The following CAMTA1 variants were observed in gnomAD, a reference collection of about 807,000 sequenced individuals.
The protein encoded by CAMTA1 is calmodulin-binding transcription activator 1.
A neutral mutation model predicts 170.9 loss-of-function variants in CAMTA1; 27 were observed. That is an observed-to-expected ratio of 0.16 (90% CI 0.12 to 0.22). The LOEUF (loss-of-function observed/expected upper bound fraction) is 0.22. CAMTA1 is among the 10% of genes least tolerant of loss of function. The probability of loss-of-function intolerance (pLI) is 1.00; values close to 1 mark genes in which losing one functional copy is unlikely to be tolerated. For missense variants in CAMTA1, 1,619 were observed against 2,217.2 expected (o/e 0.73, Z 5.42); for synonymous variants, 833 against 891.5 (o/e 0.93, Z 1.17).
intron 11 of CAMTA1, among the ~76,000 whole-genome samples, chr1:7,714,689 T>G (rs1304516824): frequency 6.6e-6 from 1 of 152,028 alleles, no homozygotes; most frequent in African/African-American, 2.4e-5. Context: ...ACCTGGCTAA[T>G]TTTTGTATTT....
chr1:7,571,034 A>G (rs1466783568), intron 6 of CAMTA1, among the ~76,000 whole-genome samples: 1 of 152,216 alleles, frequency 6.6e-6, no homozygotes, highest in Non-Finnish European at 1.5e-5. Flanking sequence ...CATGCTCTGC[A>G]ACAATCTGTG....
rs1185385266 is a variant in CAMTA1 at position 7,160,429 on chromosome 1, C to G, written c.302+69058C>G. 3.9e-5 allele frequency among the ~76,000 whole-genome samples: 6 copies of G among 152,120 alleles called. No individual in the cohort carries two copies. The East Asian group carries it at 1.2e-3, about 29-fold the overall frequency. ...ATCGGACGTTTCTCAGTCCTCGTTTCTTTGACTATCTCGGCAGCATTGATT... is the reference window on the plus strand; with the variant it reads ...ATCGGACGTTTCTCAGTCCTCGTTTGTTTGACTATCTCGGCAGCATTGATT... On this transcript the variant is annotated intron_variant, in intron 4 of 22. Coordinates refer to ENST00000303635, the MANE Select transcript of CAMTA1 (RefSeq NM_015215.4).
intron 3 of CAMTA1, among the ~76,000 whole-genome samples, chr1:6,857,088 C>T (rs764853105): frequency 1.5e-4 from 23 of 152,146 alleles, no homozygotes; most frequent in Middle Eastern, 3.4e-3. Context: ...TTACAGCCAC[C>T]GTGTGGGGTG....
At chr1:7,126,054 A>G (rs1644914259) in intron 4 of CAMTA1, among the ~76,000 whole-genome samples, 2 of 152,148 alleles carry the variant, frequency 1.3e-5, no homozygotes, top group South Asian at 4.1e-4. Flanking sequence ...AAGAGAGAGA[A>G]TGAGAGCCAA....
chr1:7,516,644 G>C (rs1182683332), intron 6 of CAMTA1, among the ~76,000 whole-genome samples: 1 of 152,148 alleles, frequency 6.6e-6, no homozygotes, highest in Non-Finnish European at 1.5e-5. Flanking sequence ...GAATGCTAGG[G>C]AACTGTCCTG....
chr1:6,923,410 A>C (rs1015503281), intron 3 of CAMTA1, among the ~76,000 whole-genome samples: 1 of 152,172 alleles, frequency 6.6e-6, no homozygotes, highest in Non-Finnish European at 1.5e-5. Context: ...GTTTCAGGGA[A>C]CAGAGATGCC....
intron 5 of CAMTA1, among the ~76,000 whole-genome samples, chr1:7,310,675 TCTTTCTCTCTCTCTCTCTCTCTCTCTC>T (rs1676478412): frequency 6.8e-4 from 16 of 23,378 alleles, no homozygotes; most frequent in African/African-American, 3.6e-3. Flanking sequence ...TTCTTTCCTT[TCTTTCTCTCTCTCTCTCTCTCTCTCTC>T]TTTCTTTCTT....
chr1:7,309,609 T>A (rs1298604756), intron 5 of CAMTA1, among the ~76,000 whole-genome samples: 1 of 152,186 alleles, frequency 6.6e-6, no homozygotes, highest in Non-Finnish European at 1.5e-5. Flanking sequence ...TGAAAACTTT[T>A]ATTCCTTTGT....
chr1:7,341,856 T>G (rs2083857467), intron 5 of CAMTA1, among the ~76,000 whole-genome samples: 2 of 152,172 alleles, frequency 1.3e-5, no homozygotes, highest in East Asian at 3.9e-4. Flanking sequence ...GCTGGCCTCC[T>G]GGGGAGGAGG....
rs913800448 is a variant in CAMTA1 at position 7,681,867 on chromosome 1, C to A, written c.2914+4134C>A. 1.3e-5 allele frequency among the ~76,000 whole-genome samples: 2 copies of A among 152,094 alleles called. No homozygotes were observed. Among genetic ancestry groups the A allele is most frequent in the Non-Finnish European group, 1.5e-5 (1 of 68,024 alleles). On this transcript the variant is annotated intron_variant, in intron 11 of 22. Transcript: ENST00000303635. The surrounding 1 kb of genome is among the most constrained non-coding windows in gnomAD (Gnocchi z 4.6). ...TCTTCTGGCCAAGGACACTGGGACACCTTTAAGTGACCTGGGTCCCTAGAA... is the reference window on the plus strand; with the variant it reads ...TCTTCTGGCCAAGGACACTGGGACAACTTTAAGTGACCTGGGTCCCTAGAA...
intron 3 of CAMTA1, among the ~76,000 whole-genome samples, chr1:7,029,298 G>A (rs947543355): frequency 1.3e-5 from 2 of 151,680 alleles, no homozygotes; most frequent in African/African-American, 2.4e-5. Context: ...TCAGGAGATC[G>A]AGACCATCCT....
chr1:7,511,166 C>G (rs2149884575), intron 6 of CAMTA1, among the ~76,000 whole-genome samples: 1 of 145,558 alleles, frequency 6.9e-6, no homozygotes, highest in East Asian at 2.2e-4. Flanking sequence ...TCCCAATTAG[C>G]AGGGCACCTT....
At chr1:7,495,107 T>A (rs2093805423) in intron 6 of CAMTA1, among the ~76,000 whole-genome samples, 1 of 152,140 alleles carries the variant, frequency 6.6e-6, no homozygotes, top group Admixed American at 6.5e-5. Context: ...AAACTCAGGC[T>A]CTTGTTTGGT....
rs998787592 is a variant in CAMTA1 at position 6,887,328 on chromosome 1, G to T, written c.234+62118G>T. Reference sequence around the variant, plus strand: ...TTTGATCTTTTAAAAAAGTTTTGTGGCCTCTTAAAGATAAAACCTACAACC... The same window carrying T: ...TTTGATCTTTTAAAAAAGTTTTGTGTCCTCTTAAAGATAAAACCTACAACC... On this transcript the variant is annotated intron_variant, in intron 3 of 22. Transcript: ENST00000303635. This position sits in a 1 kb window ranked among gnomAD's most constrained non-coding sequence, Gnocchi z 4.1. Among the ~76,000 whole-genome samples the T allele has an allele frequency of 6.6e-6, 1 of 152,008 alleles. No individual in the cohort carries two copies. Among genetic ancestry groups the T allele is most frequent in the African/African-American group, 2.4e-5 (1 of 41,372 alleles).
chr1:7,714,909 G>A (rs561158713), intron 11 of CAMTA1, among the ~76,000 whole-genome samples: 1 of 152,282 alleles, frequency 6.6e-6, no homozygotes, highest in Admixed American at 6.5e-5. Context: ...AGCAACTGAC[G>A]TAGTGTGATC....
intron 8 of CAMTA1, among the ~76,000 whole-genome samples, chr1:7,662,867 G>A (rs929041542): frequency 1.3e-5 from 2 of 152,158 alleles, no homozygotes; most frequent in Non-Finnish European, 2.9e-5. Flanking sequence ...CCAGGCCCCA[G>A]GGGTGGCTCC....
rs566909259 is a variant in CAMTA1 at position 6,900,315 on chromosome 1, G to A, written c.234+75105G>A. 4.0e-5 allele frequency among the ~76,000 whole-genome samples: 6 copies of A among 151,496 alleles called. No individual in the cohort carries two copies. The South Asian group carries it at 8.5e-4, about 22-fold the overall frequency. On this transcript the variant is annotated intron_variant, in intron 3 of 22. Coordinates refer to ENST00000303635, the MANE Select transcript of CAMTA1 (RefSeq NM_015215.4). ...CAGAGTTTCTTGATGGTGGCCTCCC[G>A]TTCCCGTGCAATGAGACAGCCTCCT...
At chr1:7,759,311 G>A (rs1348476208) in intron 22 of CAMTA1, among the ~76,000 whole-genome samples, 2 of 152,204 alleles carry the variant, frequency 1.3e-5, no homozygotes, top group African/African-American at 4.8e-5. Context: ...ACAAATTCCA[G>A]CAGCAGAGCA....
intron 5 of CAMTA1, among the ~76,000 whole-genome samples, chr1:7,400,172 T>C (rs2089782010): frequency 6.6e-6 from 1 of 152,250 alleles, no homozygotes; most frequent in African/African-American, 2.4e-5. Context: ...TTTTTGATTC[T>C]GTTTTCTCTT....
Sources: allele counts gnomAD v4.1 joint callset (sites outside exome capture counted in the v4.1 genomes callset), GRCh38; gene constraint gnomAD v4.1.1; non-coding constraint Gnocchi (gnomAD v3.1); transcripts MANE v1.5; gene names NCBI Gene and HGNC (gene_info 2026-07-23, HGNC 2026-07-21).